The following THSD4 variants were observed in gnomAD, a reference collection of about 807,000 sequenced individuals.
THSD4 encodes the protein thrombospondin type 1 domain containing 4, also known as thrombospondin type-1 domain-containing protein 4.
Under a neutral mutation model 119.0 loss-of-function variants are expected in THSD4, and 69 were observed. The ratio of observed to expected loss-of-function variants is 0.58; its 90% CI spans 0.48 to 0.71. The LOEUF (loss-of-function observed/expected upper bound fraction) is 0.71. THSD4 is among the 30% of genes least tolerant of loss of function. The probability of loss-of-function intolerance (pLI) is 0.00; values close to 1 mark genes in which losing one functional copy is unlikely to be tolerated. For synonymous variants in THSD4, 524 were observed against 540.4 expected, an observed-to-expected ratio of 0.97 and a Z score of 0.42; for missense variants, 1,393 against 1,391.1, an observed-to-expected ratio of 1.00 and a Z score of -0.02.
intron 8 of THSD4, among the ~76,000 whole-genome samples, chr15:71,686,938 C>T (rs1036147679): frequency 6.6e-6 from 1 of 152,044 alleles, no homozygotes. Flanking sequence ...GGCAGGGGTC[C>T]GAAAACTGGT....
At position 71,765,697 on chromosome 15, in the gene THSD4, G is replaced by A. The variant is rs117225674; in HGVS notation, c.2769+498G>A. ...GTGGGAAGATCACTTGAGGCTAGGA[G>A]TTTGACACCAGCCAGGTCAACTAGC... On this transcript the variant is annotated intron_variant, in intron 16 of 17. Transcript: ENST00000261862. 5.2e-3 allele frequency among the ~76,000 whole-genome samples: 786 copies of A among 152,260 alleles called. 7 individuals carry two copies. The highest frequency in any genetic ancestry group is 8.9e-3 in the Non-Finnish European group (602 of 68,004).
chr15:71,377,056 T>C (rs893127535), intron 6 of THSD4, among the ~76,000 whole-genome samples: 2 of 152,000 alleles, frequency 1.3e-5, no homozygotes, highest in African/African-American at 2.4e-5. Flanking sequence ...GTGGCACTGA[T>C]TGTGGGAAGA....
intron 11 of THSD4, among the ~76,000 whole-genome samples, chr15:71,744,156 T>A (rs796216966): frequency 6.7e-6 from 1 of 149,984 alleles, no homozygotes; most frequent in African/African-American, 2.5e-5. Flanking sequence ...GCTTTTTTTT[T>A]TTTTTTTTTT....
intron 7 of THSD4, among the ~76,000 whole-genome samples, chr15:71,548,587 T>G (rs187455712): frequency 6.6e-6 from 1 of 152,350 alleles, no homozygotes; most frequent in African/African-American, 2.4e-5. Flanking sequence ...TGTAGGCTTT[T>G]CACTTATTAG....
chr15:71,603,643 C>T (rs1190306102), intron 7 of THSD4, among the ~76,000 whole-genome samples: 2 of 147,796 alleles, frequency 1.4e-5, no homozygotes, highest in African/African-American at 2.5e-5. Flanking sequence ...CTGAGCAAGC[C>T]GATGGGATTT....
chr15:71,641,611 A>G (rs1257016861), intron 7 of THSD4, among the ~76,000 whole-genome samples: 2 of 152,110 alleles, frequency 1.3e-5, no homozygotes, highest in Non-Finnish European at 1.5e-5. Context: ...GATTCCAAAG[A>G]CAGAGTTTCT....
At chr15:71,620,385 G>A (rs1187774133) in intron 7 of THSD4, among the ~76,000 whole-genome samples, 2 of 151,944 alleles carry the variant, frequency 1.3e-5, no homozygotes, top group Non-Finnish European at 2.9e-5. Context: ...TTGAGACTAG[G>A]AGTTAGAGAT....
chr15:71,392,776 G>A (rs937016678), intron 6 of THSD4, among the ~76,000 whole-genome samples: 2 of 152,126 alleles, frequency 1.3e-5, no homozygotes, highest in African/African-American at 2.4e-5. Flanking sequence ...GTCAAGAAGC[G>A]GGCTGCTTTT....
At chr15:71,348,425 A>T (rs528232918) in intron 6 of THSD4, 2 of 152,180 alleles carry the variant, frequency 1.3e-5, no homozygotes, top group Non-Finnish European at 2.9e-5. Context: ...CAGAATTGTC[A>T]ACACTCCCTC....
intron 7 of THSD4, among the ~76,000 whole-genome samples, chr15:71,452,293 G>T (rs543713849): frequency 1.3e-5 from 2 of 152,104 alleles, no homozygotes; most frequent in Non-Finnish European, 2.9e-5. Context: ...TCCCATTTGG[G>T]AAGGAGGACC....
intron 7 of THSD4, among the ~76,000 whole-genome samples, chr15:71,633,136 T>C (rs1266188457): frequency 6.6e-6 from 1 of 152,058 alleles, no homozygotes; most frequent in Non-Finnish European, 1.5e-5. Flanking sequence ...TCAACCCCCA[T>C]CTATTGTGTG....
rs933279076 is a variant in THSD4, at chr15:71,420,665, G to A, written c.1152+8842G>A. Among the ~76,000 whole-genome samples the A allele has an allele frequency of 4.2e-4, 45 of 106,486 alleles. 13 individuals carry two copies. The highest frequency in any genetic ancestry group is 1.3e-3 in the African/African-American group (42 of 31,282). 69.9% of individuals were successfully genotyped at this position (106,486 alleles called of 152,430 possible). A position where few individuals can be genotyped will look rare whatever the true frequency, so the allele number is the denominator to read the frequency against. ...ATGTTTTTTGGTTTGGTTACCATGA[G>A]GCTTGCAAATAATACAGTTCATTAT... On this transcript the variant is annotated intron_variant, in intron 7 of 17. Coordinates refer to ENST00000261862, the MANE Select transcript of THSD4 (RefSeq NM_024817.3).
chr15:71,210,115 T>C (rs1208952051), intron 3 of THSD4, among the ~76,000 whole-genome samples: 1 of 152,246 alleles, frequency 6.6e-6, no homozygotes, highest in Non-Finnish European at 1.5e-5. Flanking sequence ...TCTGTTCACA[T>C]GTACACAGTG....
intron 6 of THSD4, among the ~76,000 whole-genome samples, chr15:71,265,265 A>G (rs998023318): frequency 3.9e-5 from 6 of 152,058 alleles, no homozygotes; most frequent in Admixed American, 1.3e-4. Flanking sequence ...AGCTTATCAC[A>G]CTGGGACTGG....
chr15:71,182,930 T>A (rs1250127581), intron 3 of THSD4, among the ~76,000 whole-genome samples: 1 of 151,836 alleles, frequency 6.6e-6, no homozygotes, highest in Non-Finnish European at 1.5e-5. Context: ...TTTATACATT[T>A]GATGCATGCT....
At chr15:71,149,381 G>A (rs897178551) in intron 2 of THSD4, among the ~76,000 whole-genome samples, 3 of 152,124 alleles carry the variant, frequency 2.0e-5, no homozygotes, top group Non-Finnish European at 4.4e-5. Flanking sequence ...GAGTAGCTGG[G>A]ATTACAGGCA....
intron 6 of THSD4, among the ~76,000 whole-genome samples, chr15:71,287,859 A>G (rs2044737655): frequency 6.6e-6 from 1 of 152,200 alleles, no homozygotes; most frequent in Non-Finnish European, 1.5e-5. Flanking sequence ...GTTGAATTCA[A>G]GAAGGAATTT....
chr15:71,344,134 G>A (rs2045620991), intron 6 of THSD4, among the ~76,000 whole-genome samples: 2 of 151,054 alleles, frequency 1.3e-5, no homozygotes, highest in African/African-American at 2.4e-5. Flanking sequence ...CGCCTCCCAG[G>A]TTCACGCCAT....
intron 6 of THSD4, among the ~76,000 whole-genome samples, chr15:71,299,209 T>G (rs2044910660): frequency 6.6e-6 from 1 of 152,234 alleles, no homozygotes; most frequent in South Asian, 2.1e-4. Flanking sequence ...AGTTTTAGTT[T>G]AAAATTCTTG....
Sources: gnomAD v4.1 joint callset for allele counts (sites outside exome capture counted in the v4.1 genomes callset) on GRCh38, gnomAD v4.1.1 for gene constraint, MANE v1.5 for transcripts, NCBI Gene and HGNC (gene_info 2026-07-23, HGNC 2026-07-21) for gene names.